Variants in MYOM2 observed in about 807,000 individuals in gnomAD.
MYOM2 encodes myomesin 2, also known as myomesin-2.
A neutral mutation model predicts 187.6 loss-of-function variants in MYOM2; 254 were observed. That is an observed-to-expected ratio of 1.35 (90% CI 1.22 to 1.50). The LOEUF is 1.50. MYOM2 is among the 40% of genes most tolerant of loss of function. The pLI, the probability that MYOM2 is intolerant of heterozygous loss-of-function variation, is 0.00. For synonymous variants in MYOM2, 981 were observed against 753.8 expected, an observed-to-expected ratio of 1.30 and a Z score of -4.94; for missense variants, 2,796 against 1,924.0, an observed-to-expected ratio of 1.45 and a Z score of -8.48.
chr8:2,068,814 T>A (rs1263576041), intron 6 of MYOM2, among the ~76,000 whole-genome samples: 1 of 152,180 alleles, frequency 6.6e-6, no homozygotes, highest in African/African-American at 2.4e-5. Flanking sequence ...CCTTCTCCTC[T>A]GGCAGCATCC....
intron 8 of MYOM2, among the ~76,000 whole-genome samples, chr8:2,070,887 G>A (rs962286569): frequency 6.6e-6 from 1 of 152,230 alleles, no homozygotes; most frequent in Non-Finnish European, 1.5e-5. Flanking sequence ...TGACAGAGAT[G>A]ATGGAAGCAG....
In MYOM2 at chr8:2,102,666, G is replaced by A. The variant is rs776758272; in HGVS notation, c.2620-1G>A. The A allele has an allele frequency of 6.2e-7, 1 of 1,601,860 alleles. No individual in the cohort carries two copies. Among genetic ancestry groups the A allele is most frequent in the South Asian group, 1.1e-5 (1 of 90,522 alleles). On this transcript the variant is annotated splice_acceptor_variant, in intron 20 of 36. Transcript: ENST00000262113. LOFTEE classifies it high-confidence loss of function. The stretch of plus-strand genomic sequence containing the variant: ...TCTGGTGTTTCCTCTGTTGTTTCAA[G>A]GTCTCTGACCTGCAGCAAGGTAAGA...
In MYOM2 at chr8:2,073,332, C is replaced by G. The variant is rs377671618; in HGVS notation, c.959-7C>G. Reference sequence around the variant, plus strand: ...GATGCAAACCTTCCGTGTTAACGCTCTTTCAGACGTGCTGTTGAAAGAGTC... The same window carrying G: ...GATGCAAACCTTCCGTGTTAACGCTGTTTCAGACGTGCTGTTGAAAGAGTC... On this transcript the variant is annotated splice_region_variant and splice_polypyrimidine_tract_variant and intron_variant, in intron 9 of 36. Coordinates refer to ENST00000262113, the MANE Select transcript of MYOM2 (RefSeq NM_003970.4). 11 of 1,600,658 alleles carry G rather than the reference C, an allele frequency of 6.9e-6. No homozygotes were observed. In the African/African-American group the frequency reaches 1.5e-4, roughly 22 times the overall value.
intron 32 of MYOM2, among the ~76,000 whole-genome samples, chr8:2,133,293 C>A (rs1797940179): frequency 6.6e-6 from 1 of 152,222 alleles, no homozygotes; most frequent in South Asian, 2.1e-4. Context: ...TTGGGAATTT[C>A]TCCCTTTTAT....
At chr8:2,059,742 C>CTTTTTTTT (rs60345808) in intron 6 of MYOM2, among the ~76,000 whole-genome samples, 4 of 131,150 alleles carry the variant, frequency 3.0e-5, no homozygotes, top group African/African-American at 1.2e-4. Context: ...GACACACACA[C>CTTTTTTTT]TTTTTTTTTT....
In MYOM2 at chr8:2,072,365, C is replaced by T. The variant is rs866754933; in HGVS notation, c.814C>T (p.Pro272Ser). 3 of 1,614,142 alleles carry T rather than the reference C, an allele frequency of 1.9e-6. No individual in the cohort carries two copies. Among genetic ancestry groups the T allele is most frequent in the Non-Finnish European group, 2.5e-6 (3 of 1,180,014 alleles). Residue 272 changes from proline to serine, a missense_variant, in exon 9 of 37, where the codon CCG (proline) becomes TCG (serine). Coordinates refer to ENST00000262113, the MANE Select transcript of MYOM2 (RefSeq NM_003970.4). Reference sequence around the variant, plus strand: ...TGCAGTGCCCCTGTCATCGATGATTCCGTACACGCACTTCGACGTCCAGTT... The same window carrying T: ...TGCAGTGCCCCTGTCATCGATGATTTCGTACACGCACTTCGACGTCCAGTT... ...PIGLPLSSMI[P>S]YTHFDVQFLE...
intron 32 of MYOM2, 37 bp from the exon 33 acceptor site, chr8:2,140,686 A>G: frequency 6.2e-7 from 1 of 1,603,688 alleles, no homozygotes; most frequent in Non-Finnish European, 8.5e-7. Context: ...TGACATGGAG[A>G]CCCTAACTCA....
intron 6 of MYOM2, among the ~76,000 whole-genome samples, chr8:2,067,442 C>T (rs528556318): frequency 6.6e-6 from 1 of 152,264 alleles, no homozygotes; most frequent in South Asian, 2.1e-4. Context: ...AGCTTCTTAC[C>T]TTACTGTGTT....
At chr8:2,077,090 T>C (rs1307015007) in intron 11 of MYOM2, among the ~76,000 whole-genome samples, 1 of 152,112 alleles carries the variant, frequency 6.6e-6, no homozygotes, top group East Asian at 1.9e-4. Context: ...CGCGGGCGGA[T>C]TACAAGTTCA....
At position 2,130,256 on chromosome 8, in the gene MYOM2, AGTT is replaced by A. The variant is rs1286632565; in HGVS notation, c.3800+1025_3800+1027del. On this transcript the variant is annotated intron_variant, in intron 32 of 36. Coordinates refer to ENST00000262113, the MANE Select transcript of MYOM2 (RefSeq NM_003970.4). ...CCCAGGGCGCCCACACCCCGCCTTTAGTTAACGCCCGTCAGTACCCTATACCCA... is the reference window on the plus strand; with the variant it reads ...CCCAGGGCGCCCACACCCCGCCTTTAAACGCCCGTCAGTACCCTATACCCA... 8.6e-3 allele frequency among the ~76,000 whole-genome samples: 1,136 copies of A among 132,676 alleles called. 25 individuals are homozygous for A. Among genetic ancestry groups the A allele is most frequent in the African/African-American group, 0.034 (1,061 of 31,352 alleles). 87.0% of individuals were successfully genotyped at this position (132,676 alleles called of 152,430 possible).
At chr8:2,141,098 G>A in intron 33 of MYOM2, 43 bp from the exon 34 acceptor site, 1 of 1,576,760 alleles carries the variant, frequency 6.3e-7, no homozygotes, top group Non-Finnish European at 8.7e-7. Flanking sequence ...AATAAAATCT[G>A]AACACTGAAA....
At chr8:2,129,061 A>T in intron 31 of MYOM2, 66 bp from the exon 32 acceptor site, 3 of 1,241,134 alleles carry the variant, frequency 2.4e-6, no homozygotes, top group Non-Finnish European at 3.5e-6. Flanking sequence ...TGCCGCCGCG[A>T]TGCTTTCTGT....
At chr8:2,045,999 T>A (rs1271361106) in intron 1 of MYOM2, among the ~76,000 whole-genome samples, 1 of 152,218 alleles carries the variant, frequency 6.6e-6, no homozygotes, top group East Asian at 1.9e-4. Flanking sequence ...GGAACAAAGA[T>A]AATTTAAGGC....
chr8:2,066,065 T>C (rs1452886609), intron 6 of MYOM2, among the ~76,000 whole-genome samples: 2 of 152,080 alleles, frequency 1.3e-5, no homozygotes, highest in Non-Finnish European at 2.9e-5. Context: ...AGTACAAGGG[T>C]GGGTCAAGGC....
At chr8:2,123,215 T>C (rs754072475) in intron 28 of MYOM2, 37 bp from the exon 29 acceptor site, 15 of 1,341,092 alleles carry the variant, frequency 1.1e-5, no homozygotes, top group Admixed American at 3.9e-5. Context: ...TGAGTCAGAA[T>C]GATTTACACA....
At chr8:2,087,488 T>C (rs1470704672) in intron 14 of MYOM2, among the ~76,000 whole-genome samples, 2 of 152,212 alleles carry the variant, frequency 1.3e-5, no homozygotes, top group African/African-American at 4.8e-5. Context: ...ATATAGTTAT[T>C]TGTGTTACGA....
Position 2,077,171 on chromosome 8 carries a change from G to C in MYOM2, c.1262+889G>C, listed in dbSNP as rs148725555. Reference sequence around the variant, plus strand: ...CTAAAAATACAAAAATTAGCTGGGTGTGCTGGCATGTGCTTATAATCCCAG... The same window carrying C: ...CTAAAAATACAAAAATTAGCTGGGTCTGCTGGCATGTGCTTATAATCCCAG... On this transcript the variant is annotated intron_variant, in intron 11 of 36. Transcript: ENST00000262113. 2.0e-3 allele frequency among the ~76,000 whole-genome samples: 302 copies of C among 152,122 alleles called. 1 individual carries two copies. The highest frequency in any genetic ancestry group is 7.1e-3 in the African/African-American group (294 of 41,512).
At position 2,106,480 on chromosome 8, in the gene MYOM2, T is replaced by C; in HGVS notation, c.2892-11T>C. On this transcript the variant is annotated splice_polypyrimidine_tract_variant and intron_variant, in intron 22 of 36. Transcript: ENST00000262113. ...AATGATCGACATTCACCTACTCTTCTTCCTTTTTAGCTCCAAGCTGTACTT... is the reference window on the plus strand; with the variant it reads ...AATGATCGACATTCACCTACTCTTCCTCCTTTTTAGCTCCAAGCTGTACTT... The C allele has an allele frequency of 1.2e-6, 2 of 1,610,906 alleles. No individual in the cohort carries two copies. Among genetic ancestry groups the C allele is most frequent in the Non-Finnish European group, 1.7e-6 (2 of 1,177,272 alleles).
chr8:2,047,718 C>T (rs575587357), intron 1 of MYOM2, among the ~76,000 whole-genome samples: 2 of 152,316 alleles, frequency 1.3e-5, no homozygotes, highest in African/African-American at 4.8e-5. Flanking sequence ...CCCTGTTACC[C>T]CCATCCAAAG....
Sources: gnomAD v4.1 joint callset for allele counts (sites outside exome capture counted in the v4.1 genomes callset) on GRCh38, gnomAD v4.1.1 for gene constraint, MANE v1.5 for transcripts, NCBI Gene and HGNC (gene_info 2026-07-23, HGNC 2026-07-21) for gene names.